Variants in CORO2B observed in about 807,000 individuals in gnomAD.
The protein encoded by CORO2B is coronin 2B, also known as coronin-2B.
A neutral mutation model predicts 58.8 loss-of-function variants in CORO2B; 26 were observed. That is an observed-to-expected ratio of 0.44 (90% CI 0.32 to 0.61). The LOEUF (loss-of-function observed/expected upper bound fraction) is 0.61. CORO2B is among the 20% of genes least tolerant of loss of function. The pLI, the probability that CORO2B is intolerant of heterozygous loss-of-function variation, is 0.04. For missense variants in CORO2B, 460 were observed against 645.1 expected, an observed-to-expected ratio of 0.71 and a Z score of 3.11; for synonymous variants, 242 against 253.8, an observed-to-expected ratio of 0.95 and a Z score of 0.44.
chr15:68,599,021 G>A (rs1429471682), intron 1 of CORO2B, among the ~76,000 whole-genome samples: 2 of 152,118 alleles, frequency 1.3e-5, no homozygotes, highest in Non-Finnish European at 2.9e-5. Flanking sequence ...CCTTTGGCTC[G>A]GCCCTGCCCA....
At chr15:68,615,212 T>C (rs907583800) in intron 1 of CORO2B, among the ~76,000 whole-genome samples, 3 of 152,116 alleles carry the variant, frequency 2.0e-5, no homozygotes, top group Non-Finnish European at 4.4e-5. Flanking sequence ...ATTAACTGGG[T>C]CTCTCTGACT....
intron 1 of CORO2B, among the ~76,000 whole-genome samples, chr15:68,618,019 C>A (rs1441356559): frequency 1.3e-5 from 2 of 152,154 alleles, no homozygotes; most frequent in African/African-American, 4.8e-5. Flanking sequence ...CAGAGTTGAA[C>A]AGAGTCAGTA....
intron 1 of CORO2B, among the ~76,000 whole-genome samples, chr15:68,633,514 TACACAC>T (rs147873341): frequency 2.6e-4 from 38 of 144,086 alleles, no homozygotes; most frequent in African/African-American, 8.3e-4. Context: ...TACTCCAACA[TACACAC>T]ACACACACAC....
At position 68,645,470 on chromosome 15, in the gene CORO2B, C is replaced by A; in HGVS notation, c.216+110C>A. The A allele has an allele frequency of 2.9e-6, 3 of 1,020,466 alleles. No homozygotes were observed. Among genetic ancestry groups the A allele is most frequent in the Non-Finnish European group, 4.2e-6 (3 of 706,916 alleles). The allele number at this position is 1,020,466 out of a possible 1,614,324, so 63.2% of individuals were successfully genotyped here. A position where few individuals can be genotyped will look rare whatever the true frequency, so the allele number is the denominator to read the frequency against. On this transcript the variant is annotated intron_variant, in intron 2 of 11. Coordinates refer to ENST00000261861, the MANE Select transcript of CORO2B (RefSeq NM_006091.5). This position sits in a 1 kb window ranked among gnomAD's most constrained non-coding sequence, Gnocchi z 4.5. Reference sequence around the variant, plus strand: ...CTTCTCTCTGAGTTCCCACCTTTTACTTCCTCATCAAGCATCTAGTGGCTA... The same window carrying A: ...CTTCTCTCTGAGTTCCCACCTTTTAATTCCTCATCAAGCATCTAGTGGCTA...
intron 3 of CORO2B, among the ~76,000 whole-genome samples, chr15:68,696,574 A>AAAAAAG (rs71145192): frequency 2.0e-5 from 3 of 151,328 alleles, no homozygotes; most frequent in Middle Eastern, 3.4e-3. Context: ...AAAAAAAAAA[A>AAAAAAG]GAATCCAGGG....
At chr15:68,691,256 G>C (rs1488311750) in intron 2 of CORO2B, among the ~76,000 whole-genome samples, 4 of 149,290 alleles carry the variant, frequency 2.7e-5, no homozygotes, top group African/African-American at 4.9e-5. Context: ...GTGAACCCCG[G>C]GGGGCAGAGC....
chr15:68,565,371 A>G, the CORO2B span, among the ~76,000 whole-genome samples: 1 of 151,770 alleles, frequency 6.6e-6, no homozygotes, highest in Non-Finnish European at 1.5e-5. Context: ...GTGCATATAG[A>G]TATATTCAAG....
chr15:68,545,315 G>A, the CORO2B span, among the ~76,000 whole-genome samples: 5 of 152,226 alleles, frequency 3.3e-5, no homozygotes, highest in Middle Eastern at 3.4e-3. Flanking sequence ...ATGGAAAGGC[G>A]TTTGGTGCTA....
intron 1 of CORO2B, among the ~76,000 whole-genome samples, chr15:68,606,089 C>T (rs918853826): frequency 2.0e-5 from 3 of 151,820 alleles, no homozygotes; most frequent in East Asian, 1.9e-4. Context: ...GTCATGGTGG[C>T]AGAGAAGCAG....
the CORO2B span, among the ~76,000 whole-genome samples, chr15:68,538,796 G>A: frequency 1.3e-5 from 2 of 152,096 alleles, no homozygotes; most frequent in African/African-American, 4.8e-5. Flanking sequence ...GACCTATTAG[G>A]ACTTCTCACA....
At position 68,720,920 on chromosome 15, in the gene CORO2B, T is replaced by G. The variant is rs141702437; in HGVS notation, c.1311+1368T>G. 1.9e-3 allele frequency among the ~76,000 whole-genome samples: 287 copies of G among 152,350 alleles called. 8 individuals are homozygous for G. In the East Asian group the frequency reaches 0.046, roughly 24 times the overall value. On this transcript the variant is annotated intron_variant, in intron 11 of 11. Transcript: ENST00000261861. Reference sequence around the variant, plus strand: ...TTTTTGTTTTGAGACAGAGTCTCACTCTGTTGCCCAGCCTGGAGCTCAGTG... The same window carrying G: ...TTTTTGTTTTGAGACAGAGTCTCACGCTGTTGCCCAGCCTGGAGCTCAGTG...
intron 3 of CORO2B, among the ~76,000 whole-genome samples, chr15:68,703,485 C>T (rs1345867940): frequency 6.6e-6 from 1 of 152,144 alleles, no homozygotes; most frequent in Non-Finnish European, 1.5e-5. Context: ...TGTTCTTCCC[C>T]ACGCTACCCC....
At chr15:68,574,313 G>A (rs1899238604), upstream of CORO2B, among the ~76,000 whole-genome samples, 2 of 152,216 alleles carry the variant, frequency 1.3e-5, no homozygotes, top group African/African-American at 2.4e-5. Flanking sequence ...GCATAAGCGA[G>A]GCAGGCAGCA....
In CORO2B at chr15:68,618,858, C is replaced by T. The variant is rs564854602; in HGVS notation, c.16-26302C>T. Among the ~76,000 whole-genome samples the T allele has an allele frequency of 2.0e-5, 3 of 152,164 alleles. No homozygotes were observed. The East Asian group carries it at 5.8e-4, about 29-fold the overall frequency. Reference sequence around the variant, plus strand: ...CTTTGAGCTAGTTCAAGGGGATGTTCGAATACAAGCCTGAAAATTTAAAAT... The same window carrying T: ...CTTTGAGCTAGTTCAAGGGGATGTTTGAATACAAGCCTGAAAATTTAAAAT... On this transcript the variant is annotated intron_variant, in intron 1 of 11. Transcript: ENST00000261861.
chr15:68,542,962 C>T, the CORO2B span, among the ~76,000 whole-genome samples: 4 of 152,118 alleles, frequency 2.6e-5, no homozygotes, highest in Admixed American at 6.5e-5. Flanking sequence ...AATCAGCTGC[C>T]GGATGTATTG....
chr15:68,570,702 T>G, the CORO2B span, among the ~76,000 whole-genome samples: 1 of 152,054 alleles, frequency 6.6e-6, no homozygotes, highest in African/African-American at 2.4e-5. Flanking sequence ...GTCAGTGTAT[T>G]TCCCTTAGGG....
chr15:68,722,252 A>C (rs1054406447), intron 11 of CORO2B, among the ~76,000 whole-genome samples: 2 of 152,206 alleles, frequency 1.3e-5, no homozygotes, highest in Non-Finnish European at 2.9e-5. Context: ...CCTGGAGGAA[A>C]AGCTTAAAGG....
Position 68,719,444 on chromosome 15 carries a change from TA to T in CORO2B, c.1205del (p.Lys402ArgfsTer23). 1 of 1,614,172 alleles carries T rather than the reference TA, an allele frequency of 6.2e-7. No individual in the cohort carries two copies. The highest frequency in any genetic ancestry group is 1.1e-5 in the South Asian group (1 of 91,082). ...TGCTGATGTCTTTGAAAGAAGGCTA[TA>T]AGAAGTCCTCAAAAATGGTATTTAA... ...PVLMSLKEGY[K>X]KSSKMVFKAP... On this transcript the variant is annotated frameshift_variant, in exon 11 of 12. Coordinates refer to ENST00000261861, the MANE Select transcript of CORO2B (RefSeq NM_006091.5). LOFTEE classifies it high-confidence loss of function.
At chr15:68,680,939 C>T (rs1047843743) in intron 2 of CORO2B, among the ~76,000 whole-genome samples, 4 of 152,294 alleles carry the variant, frequency 2.6e-5, no homozygotes, top group Admixed American at 6.5e-5. Context: ...AGGGGCCGGG[C>T]GCGGTGGCTC....
Sources: allele counts gnomAD v4.1 joint callset (sites outside exome capture counted in the v4.1 genomes callset), GRCh38; gene constraint gnomAD v4.1.1; non-coding constraint Gnocchi (gnomAD v3.1); transcripts MANE v1.5; gene names NCBI Gene and HGNC (gene_info 2026-07-23, HGNC 2026-07-21).